The following GPAT3 variants were observed in gnomAD, a reference collection of about 807,000 sequenced individuals.
GPAT3 encodes the protein 1-AGP acyltransferase 9.
A neutral mutation model predicts 58.8 loss-of-function variants in GPAT3; 53 were observed. The ratio of observed to expected loss-of-function variants is 0.90; its 90% CI spans 0.72 to 1.13. The LOEUF (loss-of-function observed/expected upper bound fraction) is 1.13, where lower values mean the gene tolerates loss of function less well. GPAT3 is among the 50% of genes most tolerant of loss of function. The pLI, the probability that GPAT3 is intolerant of heterozygous loss-of-function variation, is 0.00. For missense variants in GPAT3, 511 were observed against 527.6 expected, an observed-to-expected ratio of 0.97 and a Z score of 0.31; for synonymous variants, 197 against 187.4, an observed-to-expected ratio of 1.05 and a Z score of -0.42.
At chr4:83,572,093 G>A (rs1725632225) in intron 2 of GPAT3, among the ~76,000 whole-genome samples, 1 of 152,082 alleles carries the variant, frequency 6.6e-6, no homozygotes, top group Non-Finnish European at 1.5e-5. Flanking sequence ...ATTTTAAAAT[G>A]TAGCTGACAT....
rs770445499 is a variant in GPAT3 at position 83,604,660 on chromosome 4, G to A, written c.1206-8G>A. The A allele has an allele frequency of 4.3e-6, 7 of 1,609,606 alleles. No homozygotes were observed. The South Asian group carries it at 5.5e-5, about 13-fold the overall frequency. ...GTATCTTTTATGTATTTGTCTTTCTGTTTGCAGGGATGGAGGACTAAAGAG... is the reference window on the plus strand; with the variant it reads ...GTATCTTTTATGTATTTGTCTTTCTATTTGCAGGGATGGAGGACTAAAGAG... On this transcript the variant is annotated splice_polypyrimidine_tract_variant and splice_region_variant and intron_variant, in intron 11 of 11. Transcript: ENST00000264409.
chr4:83,547,891 T>C (rs999767856), intron 2 of GPAT3, among the ~76,000 whole-genome samples: 1 of 150,190 alleles, frequency 6.7e-6, no homozygotes, highest in African/African-American at 2.5e-5. Flanking sequence ...CTGGCTGTAT[T>C]GTGCCAAATT....
intron 2 of GPAT3, among the ~76,000 whole-genome samples, chr4:83,578,132 T>C (rs1377835028): frequency 6.6e-6 from 1 of 152,118 alleles, no homozygotes; most frequent in African/African-American, 2.4e-5. Context: ...TTTCTTTCAT[T>C]ATAGTGAAGC....
At chr4:83,571,856 TC>T (rs1280760180) in intron 2 of GPAT3, among the ~76,000 whole-genome samples, 3 of 151,954 alleles carry the variant, frequency 2.0e-5, no homozygotes, top group Non-Finnish European at 4.4e-5. Flanking sequence ...CACTGCAATC[TC>T]TGCCTCCCGG....
In GPAT3 at chr4:83,544,903, A is replaced by G. The variant is rs577818251; in HGVS notation, c.208+301A>G. Reference sequence around the variant, plus strand: ...TAGTCGATGGCCAAAAGAAAAAAAAAAAGAAAGAAAAAGGCTAATGGGAGT... The same window carrying G: ...TAGTCGATGGCCAAAAGAAAAAAAAGAAGAAAGAAAAAGGCTAATGGGAGT... On this transcript the variant is annotated intron_variant, in intron 2 of 11. Transcript: ENST00000264409. 9.6e-4 allele frequency among the ~76,000 whole-genome samples: 146 copies of G among 152,292 alleles called. 1 individual carries two copies. The highest frequency in any genetic ancestry group is 3.4e-3 in the African/African-American group (142 of 41,562).
At chr4:83,596,938 C>A in intron 8 of GPAT3, 25 bp downstream of exon 8, 1 of 1,590,742 alleles carries the variant, frequency 6.3e-7, no homozygotes, top group Non-Finnish European at 8.6e-7. Context: ...GCCTCCCGAG[C>A]TATAGTTGAT....
At chr4:83,567,123 A>C (rs374534963) in intron 2 of GPAT3, among the ~76,000 whole-genome samples, 16 of 151,742 alleles carry the variant, frequency 1.1e-4, no homozygotes, top group Admixed American at 3.3e-4. Flanking sequence ...TTTGCATTTT[A>C]TTTCTTTCCT....
At position 83,590,184 on chromosome 4, in the gene GPAT3, T is replaced by C; in HGVS notation, c.645-15T>C. 1.2e-6 allele frequency: 2 copies of C among 1,607,014 alleles called. No individual in the cohort carries two copies. The highest frequency in any genetic ancestry group is 1.7e-6 in the Non-Finnish European group (2 of 1,176,238). On this transcript the variant is annotated splice_polypyrimidine_tract_variant and intron_variant, in intron 5 of 11. Coordinates refer to ENST00000264409, the MANE Select transcript of GPAT3 (RefSeq NM_032717.5). ...TTTTAGAAGACTTCGAATTTTCCATTGTTTGTAATTGCAGGCAGTACAGAC... is the reference window on the plus strand; with the variant it reads ...TTTTAGAAGACTTCGAATTTTCCATCGTTTGTAATTGCAGGCAGTACAGAC...
chr4:83,564,732 G>A (rs1725320939), intron 2 of GPAT3, among the ~76,000 whole-genome samples: 1 of 152,094 alleles, frequency 6.6e-6, no homozygotes, highest in Admixed American at 6.6e-5. Context: ...GCTTTTGTCT[G>A]TGGTGAGAGA....
chr4:83,584,441 T>C (rs762253554), intron 3 of GPAT3, among the ~76,000 whole-genome samples: 12 of 152,232 alleles, frequency 7.9e-5, no homozygotes, highest in Admixed American at 2.0e-4. Context: ...AAAACCAGAT[T>C]GTATTAAGAT....
chr4:83,576,182 C>CTAGCTA (rs1361103194), intron 2 of GPAT3, among the ~76,000 whole-genome samples: 1 of 152,128 alleles, frequency 6.6e-6, no homozygotes, highest in East Asian at 1.9e-4. Context: ...TATTTTAACT[C>CTAGCTA]ATATATATTC....
At chr4:83,551,662 C>T (rs1965464) in intron 2 of GPAT3, among the ~76,000 whole-genome samples, 20,188 of 151,492 alleles carry the variant, frequency 0.13, 1,506 homozygotes, top group East Asian at 0.31. Context: ...CGTGGTGGTG[C>T]GCCCCTATAG....
At chr4:83,577,117 C>G (rs1725849041) in intron 2 of GPAT3, among the ~76,000 whole-genome samples, 1 of 152,162 alleles carries the variant, frequency 6.6e-6, no homozygotes, top group Non-Finnish European at 1.5e-5. Flanking sequence ...CAATCTGCAT[C>G]TAATCATGAA....
At chr4:83,545,340 G>T (rs185049537) in intron 2 of GPAT3, among the ~76,000 whole-genome samples, 2 of 152,012 alleles carry the variant, frequency 1.3e-5, no homozygotes, top group Non-Finnish European at 2.9e-5. Context: ...ACTCAGAGTG[G>T]GGTCCTGAGG....
At chr4:83,595,054 T>A in intron 7 of GPAT3, 94 bp downstream of exon 7, 1 of 1,048,884 alleles carries the variant, frequency 9.5e-7, no homozygotes, top group Non-Finnish European at 1.4e-6. Flanking sequence ...GCACTGAGTC[T>A]CAAAACTGAA....
intron 5 of GPAT3, among the ~76,000 whole-genome samples, chr4:83,589,092 C>T (rs1212569460): frequency 6.6e-6 from 1 of 152,092 alleles, no homozygotes; most frequent in African/African-American, 2.4e-5. Flanking sequence ...TATGATGTTG[C>T]AATTGGACTA....
chr4:83,600,806 G>T (rs1727028493), intron 11 of GPAT3, among the ~76,000 whole-genome samples: 1 of 152,088 alleles, frequency 6.6e-6, no homozygotes, highest in Non-Finnish European at 1.5e-5. Context: ...CTGGCCGGGA[G>T]ATTGGATTCT....
rs199873987 is a variant in GPAT3, at chr4:83,587,356, T to C, written c.554+27T>C. The C allele has an allele frequency of 2.4e-5, 38 of 1,576,616 alleles. No individual in the cohort carries two copies. In the East Asian group the frequency reaches 8.1e-4, roughly 33 times the overall value. On this transcript the variant is annotated intron_variant, in intron 4 of 11. Coordinates refer to ENST00000264409, the MANE Select transcript of GPAT3 (RefSeq NM_032717.5). Reference sequence around the variant, plus strand: ...TGAAATGTTTCCTTCCATCCAGCCATATATAGGACTGTCTTTTTTCTTAGC... The same window carrying C: ...TGAAATGTTTCCTTCCATCCAGCCACATATAGGACTGTCTTTTTTCTTAGC...
rs375908516 is a variant in GPAT3, at chr4:83,562,190, TA to T, written c.208+17589del. On this transcript the variant is annotated intron_variant, in intron 2 of 11. Coordinates refer to ENST00000264409, the MANE Select transcript of GPAT3 (RefSeq NM_032717.5). ...AGTTATTTTATATATTATATATATA[TA>T]TATATATAATATATATATATTATAT... is the stretch of plus-strand genomic sequence containing the variant. Among the ~76,000 whole-genome samples the T allele has an allele frequency of 3.1e-3, 270 of 87,346 alleles. 5 individuals are homozygous for T. The highest frequency in any genetic ancestry group is 0.028 in the East Asian group (117 of 4,206). The allele number at this position is 87,346 out of a possible 152,430, so 57.3% of individuals were successfully genotyped here.
Sources: allele counts gnomAD v4.1 joint callset (sites outside exome capture counted in the v4.1 genomes callset), GRCh38; gene constraint gnomAD v4.1.1; transcripts MANE v1.5; gene names NCBI Gene and HGNC (gene_info 2026-07-23, HGNC 2026-07-21).